Variants in FBN3 observed in about 807,000 individuals in gnomAD.
FBN3 encodes fibrillin 3, also known as fibrillin-3.
Under a neutral mutation model 330.1 loss-of-function variants are expected in FBN3, and 234 were observed. The ratio of observed to expected loss-of-function variants is 0.71; its 90% confidence interval spans 0.64 to 0.79. The LOEUF (loss-of-function observed/expected upper bound fraction) is 0.79. Among genes scored for constraint, FBN3 ranks in the 30% least tolerant of loss-of-function variants. The probability of loss-of-function intolerance (pLI) is 0.00; values close to 1 mark genes in which losing one functional copy is unlikely to be tolerated. For missense variants in FBN3, 3,606 were observed against 3,886.9 expected (o/e 0.93, Z 1.92); for synonymous variants, 1,458 against 1,517.3 (o/e 0.96, Z 0.91).
At chr19:8,081,331 A>G (rs1046607264) in intron 58 of FBN3, 27 bp downstream of exon 58, 1 of 1,579,198 alleles carries the variant, frequency 6.3e-7, no homozygotes, top group Non-Finnish European at 8.6e-7. Context: ...CAGTGGTGGG[A>G]GTGGGGGAGA....
Position 8,145,890 on chromosome 19 carries a change from G to GC in FBN3, c.397dup (p.Ala133GlyfsTer20). 7 of 1,551,124 alleles carry GC rather than the reference G, an allele frequency of 4.5e-6. No homozygotes were observed. The highest frequency in any genetic ancestry group is 8.7e-7 in the Non-Finnish European group (1 of 1,146,970). On this transcript the variant is annotated frameshift_variant, in exon 5 of 64. Transcript: ENST00000600128. LOFTEE classifies it high-confidence loss of function. Reference sequence around the variant, plus strand: ...GTAGCCCTTCTGACACAGACAGGACGCCCCCCGGCAGGTGCCCCCATTCAT... The same window carrying GC: ...GTAGCCCTTCTGACACAGACAGGACGCCCCCCCGGCAGGTGCCCCCATTCAT...
intron 38 of FBN3, among the ~76,000 whole-genome samples, chr19:8,105,158 T>C (rs532544469): frequency 2.6e-5 from 4 of 152,176 alleles, no homozygotes; most frequent in Admixed American, 6.5e-5. Context: ...TTTCACTATG[T>C]TGGCCAGGCT....
At chr19:8,072,355 G>T (rs768952691) in intron 62 of FBN3, among the ~76,000 whole-genome samples, 157 bp from the exon 63 acceptor site, 2 of 152,158 alleles carry the variant, frequency 1.3e-5, no homozygotes, top group Non-Finnish European at 2.9e-5. Flanking sequence ...CCGTGTGCAC[G>T]AGTGTGTGTG....
chr19:8,093,426 A>G (rs2082141324), intron 47 of FBN3, among the ~76,000 whole-genome samples: 1 of 152,104 alleles, frequency 6.6e-6, no homozygotes, highest in Non-Finnish European at 1.5e-5. Flanking sequence ...GATCGAGAGC[A>G]TCCTGGCTAA....
intron 50 of FBN3, 102 bp downstream of exon 50, chr19:8,089,792 C>T: frequency 6.5e-7 from 1 of 1,538,500 alleles, no homozygotes; most frequent in Non-Finnish European, 8.8e-7. Flanking sequence ...TCCAGGGCCA[C>T]CCAGGCTCTC....
At position 8,119,004 on chromosome 19, in the gene FBN3, C is replaced by G. The variant is rs745693293; in HGVS notation, c.3230G>C (p.Arg1077Thr). 6.2e-7 allele frequency: 1 copy of G among 1,604,878 alleles called. No individual in the cohort carries two copies. The highest frequency in any genetic ancestry group is 8.5e-7 in the Non-Finnish European group (1 of 1,172,748). ...KNCMDVDECA[R>T]DPLLCRGGTC... The stretch of plus-strand genomic sequence containing the variant: ...GCCTCCCCGGCAGAGCAGCGGGTCC[C>G]TTGCACACTCGTCCACGTCTGAAGG... Residue 1077 changes from arginine (R) to threonine (T), a missense_variant, in exon 26 of 64, where the codon AGG becomes ACG. By Grantham distance (71) the Arg-to-Thr change is moderately conservative. Coordinates refer to ENST00000600128, the MANE Select transcript of FBN3 (RefSeq NM_032447.5).
rs1172786010 is a variant in FBN3, at chr19:8,118,125, G to A, written c.3338-536C>T. Among the ~76,000 whole-genome samples, 6 of 151,538 alleles carry A rather than the reference G, an allele frequency of 4.0e-5. No homozygotes were observed. The East Asian group carries it at 1.2e-3, about 29-fold the overall frequency. On this transcript the variant is annotated intron_variant, in intron 26 of 63. Transcript: ENST00000600128. ...CACCCTCAAACATACCTGTCCTTGT[G>A]CAAACACATGTCCACACCCAGACAC... is the stretch of plus-strand genomic sequence containing the variant.
At chr19:8,141,563 G>C (rs565046918) in intron 8 of FBN3, among the ~76,000 whole-genome samples, 154 bp downstream of exon 8, 9 of 152,102 alleles carry the variant, frequency 5.9e-5, no homozygotes, top group Non-Finnish European at 1.2e-4. Flanking sequence ...GGCCGGACAG[G>C]CTGAGACACT....
chr19:8,144,737 A>G (rs2083492558), intron 6 of FBN3, 140 bp downstream of exon 6: 1 of 614,512 alleles, frequency 1.6e-6, no homozygotes, highest in Non-Finnish European at 2.9e-6. Context: ...AAATGAAAGA[A>G]ATGTCCTCAG....
intron 59 of FBN3, among the ~76,000 whole-genome samples, chr19:8,078,775 T>G (rs567705346): frequency 9.1e-6 from 1 of 110,272 alleles, no homozygotes; most frequent in Non-Finnish European, 1.8e-5. Flanking sequence ...TTTGTTCAAA[T>G]GTTCTCTCTC....
intron 13 of FBN3, 25 bp downstream of exon 13, chr19:8,135,936 G>GGGGGGGGGGGGGCCCCCCCCCCCC: frequency 3.1e-5 from 21 of 668,704 alleles, no homozygotes; most frequent in Non-Finnish European, 4.3e-5. Flanking sequence ...GGAAGCCCCT[G>GGGGGGGGGGGGGCCCCCCCCCCCC]CCCACCCGCC....
Position 8,096,914 on chromosome 19 carries a change from C to G in FBN3, c.5380G>C (p.Gly1794Arg). ...GCCCCGCCTGGCGACAGTTTGTACCCTCGGGTGCACTTGCAGCGGTAGCTA... is the reference window on the plus strand; with the variant it reads ...GCCCCGCCTGGCGACAGTTTGTACCGTCGGGTGCACTTGCAGCGGTAGCTA... ...PGSYRCKCTR[G>R]YKLSPGGACV... The change falls in exon 43 of 64, where the codon GGG becomes CGG. Residue 1794 changes from glycine to arginine, a missense_variant. Coordinates refer to ENST00000600128, the MANE Select transcript of FBN3 (RefSeq NM_032447.5). The surrounding 1 kb of genome is among the most constrained non-coding windows in gnomAD (Gnocchi z 4.6). 2 of 1,613,802 alleles carry G rather than the reference C, an allele frequency of 1.2e-6. No homozygotes were observed. The highest frequency in any genetic ancestry group is 1.7e-6 in the Non-Finnish European group (2 of 1,180,032).
chr19:8,140,526 C>T (rs1359988846), intron 8 of FBN3, among the ~76,000 whole-genome samples: 1 of 152,198 alleles, frequency 6.6e-6, no homozygotes, highest in Non-Finnish European at 1.5e-5. Context: ...TAAGTGGCCA[C>T]AGCCCCAACA....
chr19:8,135,936 G>GGGGGGGGGGCCCC, intron 13 of FBN3, 25 bp downstream of exon 13: 2 of 668,766 alleles, frequency 3.0e-6, no homozygotes, highest in Non-Finnish European at 4.8e-6. Context: ...GGAAGCCCCT[G>GGGGGGGGGGCCCC]CCCACCCGCC....
chr19:8,081,118 G>A lies in FBN3; in HGVS notation c.7338C>T (p.Asp2446=), dbSNP rs1157661885. The change falls in exon 59 of 64, where the codon GAC becomes GAT. Residue 2446 remains aspartate (D), a splice_region_variant and synonymous_variant. Coordinates refer to ENST00000600128, the MANE Select transcript of FBN3 (RefSeq NM_032447.5). ...LLEEDGRTCK[D]LDECTSRQHN... is the part of the protein sequence containing the mutation. ...GCTGCCGGGAGGTGCATTCGTCCAG[G>A]TCTGCAGCACGGATGGTCCAGCAGG... 1 of 1,612,630 alleles carries A rather than the reference G, an allele frequency of 6.2e-7. No homozygotes were observed. The highest frequency in any genetic ancestry group is 1.7e-5 in the Admixed American group (1 of 60,022).
At chr19:8,146,275 G>A (rs369355090) in intron 3 of FBN3, 50 bp from the exon 4 acceptor site, 128 of 1,477,646 alleles carry the variant, frequency 8.7e-5, no homozygotes, top group African/African-American at 1.1e-4. Flanking sequence ...AGCCTGGGCC[G>A]TCCCTGCTCC....
chr19:8,073,852 T>A (rs2081579901), intron 61 of FBN3, among the ~76,000 whole-genome samples: 1 of 152,168 alleles, frequency 6.6e-6, no homozygotes, highest in Non-Finnish European at 1.5e-5. Context: ...GCTAATCTTT[T>A]AACTTTTTGT....
Position 8,090,114 on chromosome 19 carries a change from G to T in FBN3, c.6169C>A (p.Pro2057Thr). The T allele has an allele frequency of 6.2e-7, 1 of 1,613,834 alleles. No homozygotes were observed. The highest frequency in any genetic ancestry group is 2.2e-5 in the East Asian group (1 of 44,870). ...EGWGDPCELC[P>T]QEGSAAFQEL... is the part of the protein sequence containing the mutation. ...GGGCACTCACCGCTGCCCTCCTGGG[G>T]ACACAGTTCGCAGGGGTCTCCCCAG... The change falls in exon 49 of 64, where the codon CCC becomes ACC. Residue 2057 changes from proline (P) to threonine (T), a missense_variant. Transcript: ENST00000600128.
At position 8,073,164 on chromosome 19, in the gene FBN3, A is replaced by G. The variant is rs758489983; in HGVS notation, c.7836T>C (p.Asp2612=). 21 of 1,613,756 alleles carry G rather than the reference A, an allele frequency of 1.3e-5. No individual in the cohort carries two copies. In the Admixed American group the frequency reaches 3.3e-4, roughly 26 times the overall value. ...AGGGGCCACGCCGTCCGGCGCACTC[A>G]TCCACCTCCTGGCAGCCCCCGAGGG... ...DQALGGCQEV[D]ECAGRRGPCS... The change falls in exon 62 of 64, where the codon GAT becomes GAC. Residue 2612 remains aspartate, a synonymous_variant. Transcript: ENST00000600128.
Sources: gnomAD v4.1 joint callset for allele counts (sites outside exome capture counted in the v4.1 genomes callset) on GRCh38, gnomAD v4.1.1 for gene constraint, Gnocchi (gnomAD v3.1) non-coding constraint, MANE v1.5 for transcripts, NCBI Gene and HGNC (gene_info 2026-07-23, HGNC 2026-07-21) for gene names.